SGCZ: variants seen among roughly 807,000 people sequenced by gnomAD.
SGCZ encodes sarcoglycan zeta.
SGCZ carries 40 observed loss-of-function variants against 41.3 expected under a neutral mutation model. The observed-to-expected ratio is 0.97, with a 90% CI of 0.75 to 1.26. The LOEUF (loss-of-function observed/expected upper bound fraction) is 1.26, where lower values mean the gene tolerates loss of function less well. Among genes scored for constraint, SGCZ ranks in the 50% most tolerant of loss-of-function variants. The probability of loss-of-function intolerance (pLI) is 0.00; values close to 1 mark genes in which losing one functional copy is unlikely to be tolerated. For missense variants in SGCZ, 552 were observed against 369.8 expected (o/e 1.49, Z -4.04); for synonymous variants, 206 against 137.5 (o/e 1.50, Z -3.49).
rs376489596 is a variant in SGCZ at position 14,836,637 on chromosome 8, C to T, written c.40-281711G>A. On this transcript the variant is annotated intron_variant, in intron 1 of 7. Coordinates refer to ENST00000382080, the MANE Select transcript of SGCZ (RefSeq NM_139167.4). ...CCTCAGCCACCCAAACAGCTGGGAT[C>T]GCAGGTGCTCTCACCATACCCAGGT... 1.3e-4 allele frequency among the ~76,000 whole-genome samples: 20 copies of T among 152,188 alleles called. No individual in the cohort carries two copies. In the East Asian group the frequency reaches 2.3e-3, roughly 18 times the overall value.
chr8:14,291,995 C>T (rs1358534675), intron 3 of SGCZ, among the ~76,000 whole-genome samples: 1 of 152,002 alleles, frequency 6.6e-6, no homozygotes, highest in African/African-American at 2.4e-5. Flanking sequence ...AATCTTCTCT[C>T]CATTAGGTGA....
At position 15,020,229 on chromosome 8, in the gene SGCZ, A is replaced by G. The variant is rs151058737; in HGVS notation, c.39+217356T>C. Among the ~76,000 whole-genome samples the G allele has an allele frequency of 2.0e-4, 30 of 152,270 alleles. No homozygotes were observed. In the East Asian group the frequency reaches 5.4e-3, roughly 28 times the overall value. On this transcript the variant is annotated intron_variant, in intron 1 of 7. Transcript: ENST00000382080. ...CCTTCTTATAGATCAGTCATCAGCAATTTAAGCTTGGTTTGCTCAATATAA... is the reference window on the plus strand; with the variant it reads ...CCTTCTTATAGATCAGTCATCAGCAGTTTAAGCTTGGTTTGCTCAATATAA...
In SGCZ at chr8:14,693,126, A is replaced by C. The variant is rs151178209; in HGVS notation, c.40-138200T>G. Among the ~76,000 whole-genome samples, 246 of 152,312 alleles carry C rather than the reference A, an allele frequency of 1.6e-3. 3 individuals are homozygous for C. In the Middle Eastern group the frequency reaches 0.02, roughly 13 times the overall value. On this transcript the variant is annotated intron_variant, in intron 1 of 7. Transcript: ENST00000382080. ...AGGTTTGTGGTGATTAAGTAAGATTAAGTAAATTGTTAGATCTATATTACA... is the reference window on the plus strand; with the variant it reads ...AGGTTTGTGGTGATTAAGTAAGATTCAGTAAATTGTTAGATCTATATTACA...
At chr8:14,605,082 G>C (rs1370050591) in intron 1 of SGCZ, among the ~76,000 whole-genome samples, 1 of 151,944 alleles carries the variant, frequency 6.6e-6, no homozygotes, top group Non-Finnish European at 1.5e-5. Flanking sequence ...CTCTTAATTT[G>C]GGGCTACATC....
At chr8:14,783,577 AT>A (rs111663576) in intron 1 of SGCZ, among the ~76,000 whole-genome samples, 21,087 of 151,782 alleles carry the variant, frequency 0.14, 1,561 homozygotes, top group Middle Eastern at 0.16. Context: ...TAACATAATA[AT>A]TTTTTTTTCC....
intron 1 of SGCZ, among the ~76,000 whole-genome samples, chr8:14,841,114 A>G (rs1298412817): frequency 6.6e-6 from 1 of 152,080 alleles, no homozygotes; most frequent in African/African-American, 2.4e-5. Context: ...AGAAGAACAA[A>G]AAAAAAATCA....
At chr8:15,219,735 A>G (rs898686326) in intron 1 of SGCZ, among the ~76,000 whole-genome samples, 5 of 152,172 alleles carry the variant, frequency 3.3e-5, no homozygotes, top group East Asian at 1.9e-4. Context: ...TGCCAGGCAT[A>G]CAGATCATTC....
intron 2 of SGCZ, among the ~76,000 whole-genome samples, chr8:14,521,379 T>C (rs1186465049): frequency 6.6e-6 from 1 of 152,136 alleles, no homozygotes; most frequent in African/African-American, 2.4e-5. Context: ...CTTGTGTGTA[T>C]TGATAGTAAT....
chr8:15,020,524 A>G lies in SGCZ; in HGVS notation c.39+217061T>C, dbSNP rs542936014. ...CGGCTGGCTCTCATTATTATTCTTG[A>G]TTAAAATATAATCGCTGTCAGCTCG... is the stretch of plus-strand genomic sequence containing the variant. On this transcript the variant is annotated intron_variant, in intron 1 of 7. Coordinates refer to ENST00000382080, the MANE Select transcript of SGCZ (RefSeq NM_139167.4). Among the ~76,000 whole-genome samples the G allele has an allele frequency of 3.9e-4, 60 of 152,260 alleles. 2 individuals carry two copies. The highest frequency in any genetic ancestry group is 7.9e-4 in the Non-Finnish European group (54 of 68,024).
chr8:15,062,866 T>C (rs991344326), intron 1 of SGCZ, among the ~76,000 whole-genome samples: 2 of 152,054 alleles, frequency 1.3e-5, no homozygotes, highest in Admixed American at 1.3e-4. Flanking sequence ...AACTATGAAA[T>C]GTATTCAAAG....
chr8:14,099,033 A>AT (rs540283555), intron 7 of SGCZ, among the ~76,000 whole-genome samples: 100 of 152,300 alleles, frequency 6.6e-4, no homozygotes, highest in Non-Finnish European at 1.3e-3. Flanking sequence ...ATAAAAAGTC[A>AT]TTTTTTATAA....
intron 2 of SGCZ, among the ~76,000 whole-genome samples, chr8:14,347,708 T>TA (rs1802940251): frequency 6.6e-6 from 1 of 152,002 alleles, no homozygotes; most frequent in African/African-American, 2.4e-5. Context: ...TTTATTTATT[T>TA]AAAATACTTA....
rs536253946 is a variant in SGCZ, at chr8:14,214,709, A to G, written c.424+22883T>C. 2.0e-5 allele frequency among the ~76,000 whole-genome samples: 3 copies of G among 152,274 alleles called. No homozygotes were observed. In the South Asian group the frequency reaches 6.2e-4, roughly 32 times the overall value. ...CATGCTAACAGTAATTTTTTTAAAA[A>G]AAGCAGGAATATCTATGAGTATTAG... is the stretch of plus-strand genomic sequence containing the variant. On this transcript the variant is annotated intron_variant, in intron 4 of 7. Coordinates refer to ENST00000382080, the MANE Select transcript of SGCZ (RefSeq NM_139167.4).
chr8:14,463,160 G>T (rs1426489938), intron 2 of SGCZ, among the ~76,000 whole-genome samples: 4 of 150,934 alleles, frequency 2.7e-5, no homozygotes, highest in Non-Finnish European at 4.4e-5. Context: ...TTTCCAATTT[G>T]TCATTTATTT....
At chr8:14,788,262 T>C (rs1800836317) in intron 1 of SGCZ, among the ~76,000 whole-genome samples, 1 of 152,152 alleles carries the variant, frequency 6.6e-6, no homozygotes, top group African/African-American at 2.4e-5. Context: ...TCCATGCTAA[T>C]TTCATTATTA....
intron 1 of SGCZ, among the ~76,000 whole-genome samples, chr8:15,058,711 C>A (rs536828935): frequency 1.3e-5 from 2 of 152,172 alleles, no homozygotes; most frequent in East Asian, 3.9e-4. Context: ...CCTGTCAACA[C>A]TTTTTGTGTT....
intron 4 of SGCZ, among the ~76,000 whole-genome samples, chr8:14,184,423 T>C (rs757441981): frequency 4.6e-5 from 7 of 152,182 alleles, no homozygotes; most frequent in African/African-American, 9.6e-5. Flanking sequence ...TATCAATCAA[T>C]TGAAAAGTTC....
intron 1 of SGCZ, among the ~76,000 whole-genome samples, chr8:14,976,465 A>AT (rs1563405166): frequency 1.3e-5 from 2 of 152,140 alleles, no homozygotes; most frequent in South Asian, 2.1e-4. Context: ...TACCATTCCA[A>AT]TTTTTTTATT....
At chr8:14,857,727 G>C (rs1040668417) in intron 1 of SGCZ, among the ~76,000 whole-genome samples, 1 of 152,026 alleles carries the variant, frequency 6.6e-6, no homozygotes, top group Non-Finnish European at 1.5e-5. Context: ...TTAGCCCAGC[G>C]TGGTGGCAAG....
Sources: allele counts gnomAD v4.1 joint callset (sites outside exome capture counted in the v4.1 genomes callset), GRCh38; gene constraint gnomAD v4.1.1; transcripts MANE v1.5; gene names NCBI Gene and HGNC (gene_info 2026-07-23, HGNC 2026-07-21).